PPP2R5E: variants seen among roughly 807,000 people sequenced by gnomAD.
The protein encoded by PPP2R5E is protein phosphatase 2 regulatory subunit B'epsilon, also known as serine/threonine-protein phosphatase 2A 56 kDa regulatory subunit epsilon isoform.
PPP2R5E carries 4 observed loss-of-function variants against 65.3 expected under a neutral mutation model. The ratio of observed to expected loss-of-function variants is 0.06; its 90% CI spans 0.03 to 0.14. The LOEUF is 0.14. Among genes scored for constraint, PPP2R5E ranks in the 10% least tolerant of loss-of-function variants. The probability of loss-of-function intolerance (pLI) is 1.00; values close to 1 mark genes in which losing one functional copy is unlikely to be tolerated. For missense variants in PPP2R5E, 274 were observed against 556.1 expected (o/e 0.49, Z 5.10); for synonymous variants, 183 against 187.4 (o/e 0.98, Z 0.19).
At chr14:63,413,129 T>C (rs1886495708) in intron 5 of PPP2R5E, among the ~76,000 whole-genome samples, 1 of 152,188 alleles carries the variant, frequency 6.6e-6, no homozygotes, top group Non-Finnish European at 1.5e-5. Flanking sequence ...TAACCCAAAA[T>C]GTCCTTTCCA....
chr14:63,382,784 T>C (rs1884442453), intron 12 of PPP2R5E, among the ~76,000 whole-genome samples: 1 of 152,202 alleles, frequency 6.6e-6, no homozygotes, highest in Non-Finnish European at 1.5e-5. Context: ...AGTATAATAG[T>C]AAAGCAATTT....
At chr14:63,386,562 G>A (rs1292380449) in intron 11 of PPP2R5E, among the ~76,000 whole-genome samples, 2 of 152,160 alleles carry the variant, frequency 1.3e-5, no homozygotes, top group African/African-American at 4.8e-5. Flanking sequence ...AAGTGTCAGG[G>A]GAAGGAGGGG....
At chr14:63,458,200 CA>C (rs1416359495) in intron 2 of PPP2R5E, among the ~76,000 whole-genome samples, 2 of 152,224 alleles carry the variant, frequency 1.3e-5, no homozygotes, top group Non-Finnish European at 2.9e-5. Flanking sequence ...AAGAAGTCAA[CA>C]GGATCTATAT....
At chr14:63,380,459 G>T (rs914756139) in intron 13 of PPP2R5E, among the ~76,000 whole-genome samples, 2 of 152,010 alleles carry the variant, frequency 1.3e-5, no homozygotes, top group Non-Finnish European at 2.9e-5. Context: ...TCAGGAGATC[G>T]AGACCATCCT....
In PPP2R5E at chr14:63,418,114, CAT is replaced by C. The variant is rs771818042; in HGVS notation, c.457-2884_457-2883del. Among the ~76,000 whole-genome samples, 45 of 152,318 alleles carry C rather than the reference CAT, an allele frequency of 3.0e-4. 1 individual carries two copies. Among genetic ancestry groups the C allele is most frequent in the Non-Finnish European group, 5.0e-4 (34 of 68,028 alleles). On this transcript the variant is annotated intron_variant, in intron 4 of 13. Transcript: ENST00000337537. The stretch of plus-strand genomic sequence containing the variant: ...ATGATCCGGACGTTGCCAAATTTCA[CAT>C]GTTATTTTGCTAGTCAAAATAATGC...
chr14:63,508,189 C>T (rs1285631374), intron 2 of PPP2R5E: 1 of 985,538 alleles, frequency 1.0e-6, no homozygotes. Context: ...GCTCTTCCCT[C>T]CTCGCACACC....
intron 10 of PPP2R5E, 131 bp downstream of exon 10, chr14:63,391,686 G>T: frequency 1.0e-6 from 1 of 965,862 alleles, no homozygotes; most frequent in Non-Finnish European, 1.6e-6. Context: ...GCCTCCCAAA[G>T]TGCTGGGATT....
chr14:63,487,243 C>T (rs1487927120), intron 2 of PPP2R5E, among the ~76,000 whole-genome samples: 1 of 152,074 alleles, frequency 6.6e-6, no homozygotes, highest in Non-Finnish European at 1.5e-5. Flanking sequence ...TGTCATATTA[C>T]TTGAAAGTGA....
chr14:63,440,318 G>A (rs191004235), intron 3 of PPP2R5E, among the ~76,000 whole-genome samples: 3 of 151,960 alleles, frequency 2.0e-5, no homozygotes, highest in East Asian at 3.9e-4. Flanking sequence ...GAGAAGCAGC[G>A]TTAACAATTC....
intron 5 of PPP2R5E, among the ~76,000 whole-genome samples, chr14:63,411,658 TAAA>T (rs766263301): frequency 1.7e-4 from 16 of 93,106 alleles, no homozygotes; most frequent in Non-Finnish European, 2.5e-4. Context: ...TGTGGTTGTT[TAAA>T]AAAAAAAAAA....
chr14:63,482,008 G>A (rs1369688591), intron 2 of PPP2R5E, among the ~76,000 whole-genome samples: 1 of 152,062 alleles, frequency 6.6e-6, no homozygotes, highest in African/African-American at 2.4e-5. Flanking sequence ...TAAAAGTAAT[G>A]CAACAGTTTA....
intron 3 of PPP2R5E, among the ~76,000 whole-genome samples, chr14:63,450,155 C>A (rs977936723): frequency 7.9e-5 from 12 of 152,194 alleles, no homozygotes; most frequent in Non-Finnish European, 1.2e-4. Flanking sequence ...GGATTACAGG[C>A]GTGAGCCACC....
chr14:63,426,376 T>C (rs534746418), intron 3 of PPP2R5E, among the ~76,000 whole-genome samples: 11 of 152,020 alleles, frequency 7.2e-5, no homozygotes, highest in African/African-American at 2.7e-4. Context: ...AGTGGAATAT[T>C]GTGCAGCATT....
chr14:63,496,337 T>C (rs1434343458), intron 2 of PPP2R5E, among the ~76,000 whole-genome samples: 1 of 150,682 alleles, frequency 6.6e-6, no homozygotes, highest in Non-Finnish European at 1.5e-5. Context: ...ACCCTGTCTC[T>C]ACAGGCTGAG....
rs562588200 is a variant in PPP2R5E, at chr14:63,445,734, C to T, written c.354+7955G>A. 9.2e-5 allele frequency among the ~76,000 whole-genome samples: 14 copies of T among 151,854 alleles called. 1 individual carries two copies. Among genetic ancestry groups the T allele is most frequent in the African/African-American group, 3.1e-4 (13 of 41,376 alleles). On this transcript the variant is annotated intron_variant, in intron 3 of 13. Coordinates refer to ENST00000337537, the MANE Select transcript of PPP2R5E (RefSeq NM_006246.5). The stretch of plus-strand genomic sequence containing the variant: ...GTGAGCGCCTGTAATCCCAGCTACT[C>T]GGGAGGCTGAGGCAGAAGAATCACT...
intron 13 of PPP2R5E, among the ~76,000 whole-genome samples, chr14:63,378,710 G>C (rs1351874892): frequency 1.3e-5 from 2 of 152,062 alleles, no homozygotes; most frequent in African/African-American, 4.8e-5. Context: ...GTCATGCAGG[G>C]GATATTGTCA....
intron 2 of PPP2R5E, among the ~76,000 whole-genome samples, chr14:63,469,918 G>A (rs73274663): frequency 0.029 from 4,451 of 152,236 alleles, 191 homozygotes; most frequent in African/African-American, 0.097. Flanking sequence ...AATGGCTAAC[G>A]TGTAAAAACA....
intron 12 of PPP2R5E, among the ~76,000 whole-genome samples, chr14:63,383,097 T>C (rs1884463943): frequency 6.6e-6 from 1 of 152,180 alleles, no homozygotes; most frequent in Admixed American, 6.5e-5. Context: ...TATGGGACAC[T>C]ATACAGCTAA....
intron 2 of PPP2R5E, among the ~76,000 whole-genome samples, chr14:63,485,170 A>G (rs1329200635): frequency 6.6e-6 from 1 of 151,710 alleles, no homozygotes; most frequent in Non-Finnish European, 1.5e-5. Context: ...CTAATTCACA[A>G]AAGAACTGCT....
Sources: gnomAD v4.1 joint callset for allele counts (sites outside exome capture counted in the v4.1 genomes callset) on GRCh38, gnomAD v4.1.1 for gene constraint, MANE v1.5 for transcripts, NCBI Gene and HGNC (gene_info 2026-07-23, HGNC 2026-07-21) for gene names.